The following FRY variants were observed in gnomAD, a reference collection of about 807,000 sequenced individuals.
FRY encodes FRY microtubule binding protein.
Under a neutral mutation model 348.4 loss-of-function variants are expected in FRY, and 128 were observed. That is an observed-to-expected ratio of 0.37 (90% CI 0.32 to 0.43). The LOEUF (loss-of-function observed/expected upper bound fraction) is 0.43, where lower values mean the gene tolerates loss of function less well. FRY is among the 20% of genes least tolerant of loss of function. FRY has a pLI of 1.00. For missense variants in FRY, 2,736 were observed against 3,695.2 expected, an observed-to-expected ratio of 0.74 and a Z score of 6.73; for synonymous variants, 1,370 against 1,374.7, an observed-to-expected ratio of 1.00 and a Z score of 0.08.
At chr13:32,036,748 TG>T (rs145128427) in intron 1 of FRY, among the ~76,000 whole-genome samples, 3,175 of 145,260 alleles carry the variant, frequency 0.022, 112 homozygotes, top group African/African-American at 0.077. Context: ...ACATTTTCGA[TG>T]AAAAAAAAAA....
intron 3 of FRY, among the ~76,000 whole-genome samples, chr13:32,117,119 T>G (rs1162640908): frequency 6.6e-6 from 1 of 152,218 alleles, no homozygotes; most frequent in East Asian, 1.9e-4. Flanking sequence ...GTAATTAACT[T>G]TCTTGAACTA....
At chr13:32,124,153 C>T in intron 4 of FRY, 133 bp from the exon 5 acceptor site, 1 of 678,498 alleles carries the variant, frequency 1.5e-6, no homozygotes, top group Non-Finnish European at 2.7e-6. Context: ...TAGCATGTAT[C>T]TACCAGTGCA....
chr13:32,278,788 A>T (rs1440743100), intron 58 of FRY, among the ~76,000 whole-genome samples: 3 of 152,134 alleles, frequency 2.0e-5, no homozygotes, highest in Non-Finnish European at 4.4e-5. Flanking sequence ...TTTTTGCTGG[A>T]TACTGTCTAA....
At chr13:32,253,302 T>C (rs1366811872) in intron 50 of FRY, among the ~76,000 whole-genome samples, 1 of 152,242 alleles carries the variant, frequency 6.6e-6, no homozygotes, top group Non-Finnish European at 1.5e-5. Context: ...TCATATACTA[T>C]TCTTAAACAC....
intron 13 of FRY, among the ~76,000 whole-genome samples, chr13:32,149,301 T>G (rs954999066): frequency 6.6e-6 from 1 of 151,790 alleles, no homozygotes; most frequent in African/African-American, 2.4e-5. Context: ...GCAGAATTAC[T>G]TGTTATACTA....
Position 32,095,329 on chromosome 13 carries a change from T to A in FRY, c.271-6634T>A, listed in dbSNP as rs191588106. Among the ~76,000 whole-genome samples, 498 of 148,358 alleles carry A rather than the reference T, an allele frequency of 3.4e-3. 11 individuals carry two copies. The highest frequency in any genetic ancestry group is 0.012 in the African/African-American group (480 of 40,566). ...ACTTTGTTGATTGTTTCCTTTGCTG[T>A]ATGGAAGCTTTTTTTTTTTTTTTTT... On this transcript the variant is annotated intron_variant, in intron 2 of 60. Transcript: ENST00000542859.
At chr13:32,179,108 A>C in intron 22 of FRY, 75 bp downstream of exon 22, 1 of 1,117,090 alleles carries the variant, frequency 9.0e-7, no homozygotes, top group Non-Finnish European at 1.3e-6. Context: ...TCACAGTGCA[A>C]ATTGCACTGT....
intron 1 of FRY, among the ~76,000 whole-genome samples, chr13:32,055,679 A>G (rs1873585896): frequency 6.6e-6 from 1 of 152,214 alleles, no homozygotes; most frequent in Admixed American, 6.5e-5. Context: ...ATCCTTCAAA[A>G]CAGTATAATT....
At chr13:32,160,912 A>G (rs1401719431) in intron 16 of FRY, among the ~76,000 whole-genome samples, 1 of 152,244 alleles carries the variant, frequency 6.6e-6, no homozygotes, top group East Asian at 1.9e-4. Flanking sequence ...TACTATTGAT[A>G]TCAGCATTTT....
chr13:32,245,814 A>G (rs955049183), intron 47 of FRY, among the ~76,000 whole-genome samples: 5 of 152,060 alleles, frequency 3.3e-5, no homozygotes, highest in African/African-American at 9.7e-5. Context: ...GTATTTGTCT[A>G]TTTCTTCTCT....
intron 35 of FRY, among the ~76,000 whole-genome samples, chr13:32,215,985 G>A (rs866233373): frequency 3.9e-5 from 6 of 152,016 alleles, no homozygotes; most frequent in South Asian, 2.1e-4. Context: ...AATTTTGAAC[G>A]GTCTATGTTG....
At chr13:32,104,286 A>G (rs1350788307) in intron 3 of FRY, among the ~76,000 whole-genome samples, 2 of 152,200 alleles carry the variant, frequency 1.3e-5, no homozygotes, top group Non-Finnish European at 2.9e-5. Context: ...TCACTTAATT[A>G]GCTATATCAC....
At chr13:32,253,624 AT>A (rs1196347714) in intron 50 of FRY, among the ~76,000 whole-genome samples, 5 of 152,336 alleles carry the variant, frequency 3.3e-5, no homozygotes, top group South Asian at 2.1e-4. Flanking sequence ...TAGTAAAAAA[AT>A]GTTTTATTTT....
chr13:32,077,723 A>G (rs1875176832), intron 1 of FRY, among the ~76,000 whole-genome samples: 1 of 152,230 alleles, frequency 6.6e-6, no homozygotes, highest in South Asian at 2.1e-4. Flanking sequence ...AGAGTATCCA[A>G]CTTTCATGGA....
intron 13 of FRY, 42 bp downstream of exon 13, chr13:32,147,989 T>C (rs1420510731): frequency 9.0e-7 from 1 of 1,106,566 alleles, no homozygotes; most frequent in Non-Finnish European, 1.4e-6. Flanking sequence ...TCTGATGGTT[T>C]TTCAGCAGCC....
intron 31 of FRY, among the ~76,000 whole-genome samples, chr13:32,204,049 A>T (rs541860578): frequency 6.6e-6 from 1 of 152,352 alleles, no homozygotes; most frequent in Admixed American, 6.5e-5. Context: ...CATGCTAGGT[A>T]CTTTATGTGC....
chr13:32,213,327 C>T (rs1884790642), intron 35 of FRY, among the ~76,000 whole-genome samples: 1 of 152,160 alleles, frequency 6.6e-6, no homozygotes, highest in South Asian at 2.1e-4. Flanking sequence ...TCTGAAGGCT[C>T]CTTCCCTAAT....
chr13:32,280,914 T>A (rs778612389), intron 58 of FRY, among the ~76,000 whole-genome samples: 1 of 152,232 alleles, frequency 6.6e-6, no homozygotes, highest in Non-Finnish European at 1.5e-5. Context: ...TTATTTCTAT[T>A]AAGTTGTTTT....
At chr13:32,059,212 T>C (rs1213900460) in intron 1 of FRY, among the ~76,000 whole-genome samples, 1 of 152,032 alleles carries the variant, frequency 6.6e-6, no homozygotes, top group African/African-American at 2.4e-5. Context: ...TTTTAAGTAA[T>C]GTTCTTTTAG....
Sources: allele counts gnomAD v4.1 joint callset (sites outside exome capture counted in the v4.1 genomes callset), GRCh38; gene constraint gnomAD v4.1.1; transcripts MANE v1.5; gene names NCBI Gene and HGNC (gene_info 2026-07-23, HGNC 2026-07-21).